DNAH6: variants seen among roughly 807,000 people sequenced by gnomAD.
The protein encoded by DNAH6 is dynein axonemal heavy chain 6.
Under a neutral mutation model 491.4 loss-of-function variants are expected in DNAH6, and 340 were observed. That is an observed-to-expected ratio of 0.69 (90% CI 0.63 to 0.76). DNAH6 has a LOEUF of 0.76. Ranked by LOEUF, DNAH6 falls within the 30% of genes least tolerant of loss-of-function variation. DNAH6 has a pLI of 0.00. For missense variants in DNAH6, 4,443 were observed against 4,972.2 expected (o/e 0.89, Z 3.20); for synonymous variants, 1,603 against 1,686.1 (o/e 0.95, Z 1.21).
At chr2:84,489,196 A>C in the DNAH6 span, among the ~76,000 whole-genome samples, 2 of 151,818 alleles carry the variant, frequency 1.3e-5, no homozygotes, top group African/African-American at 4.8e-5. Flanking sequence ...AGAACATGAG[A>C]GTGTCTTTAG....
At position 84,557,763 on chromosome 2, in the gene DNAH6, G is replaced by C; in HGVS notation, c.1631G>C (p.Cys544Ser). The C allele has an allele frequency of 6.3e-7, 1 of 1,588,650 alleles. No individual in the cohort carries two copies. The highest frequency in any genetic ancestry group is 1.1e-5 in the South Asian group (1 of 90,174). The change falls in exon 11 of 77, where the codon TGT becomes TCT. Residue 544 changes from cysteine (C) to serine (S), a missense_variant. By Grantham distance (112) the Cys-to-Ser change is moderately radical. Coordinates refer to ENST00000389394, the MANE Select transcript of DNAH6 (RefSeq NM_001370.2). ...GGTATTTTGGGTGCAGTTAATCACTGTCAAAACACTGTGTTATCAGTTCCT... is the reference window on the plus strand; with the variant it reads ...GGTATTTTGGGTGCAGTTAATCACTCTCAAAACACTGTGTTATCAGTTCCT... ...LDGILGAVNH[C>S]QNTVLSVPNL...
chr2:84,724,826 T>A (rs1045933278), intron 60 of DNAH6, among the ~76,000 whole-genome samples: 4 of 152,202 alleles, frequency 2.6e-5, no homozygotes, highest in Non-Finnish European at 4.4e-5. Flanking sequence ...CTCCAGGACT[T>A]CTTCTGACCT....
At chr2:84,720,569 C>T (rs35046345) in intron 59 of DNAH6, among the ~76,000 whole-genome samples, 4,657 of 152,064 alleles carry the variant, frequency 0.031, 110 homozygotes, top group Non-Finnish European at 0.044. Flanking sequence ...TGAGCCACCG[C>T]GCCCGGCCGA....
chr2:84,722,551 C>G, intron 59 of DNAH6, 74 bp from the exon 60 acceptor site: 1 of 1,278,142 alleles, frequency 7.8e-7, no homozygotes, highest in South Asian at 1.4e-5. Context: ...CTAGACCTAA[C>G]TGGATACATT....
chr2:84,474,186 T>C, the DNAH6 span, among the ~76,000 whole-genome samples: 1 of 152,204 alleles, frequency 6.6e-6, no homozygotes, highest in Non-Finnish European at 1.5e-5. Context: ...AGTGCACCCA[T>C]GTGTTGAATT....
At chr2:84,740,129 G>A (rs557530951) in intron 62 of DNAH6, among the ~76,000 whole-genome samples, 1 of 152,048 alleles carries the variant, frequency 6.6e-6, no homozygotes, top group South Asian at 2.1e-4. Flanking sequence ...TCATTTCTAG[G>A]TGCTTTCAGA....
At chr2:84,487,721 T>A in the DNAH6 span, among the ~76,000 whole-genome samples, 2 of 152,198 alleles carry the variant, frequency 1.3e-5, 1 homozygote, top group South Asian at 4.1e-4. Flanking sequence ...AAGCACAGCT[T>A]GAATTTCACA....
intron 4 of DNAH6, among the ~76,000 whole-genome samples, chr2:84,537,124 C>A (rs1677771437): frequency 6.6e-6 from 1 of 151,994 alleles, no homozygotes; most frequent in Admixed American, 6.6e-5. Flanking sequence ...GCATAAGAAT[C>A]TGACCTTTGG....
chr2:84,634,642 G>T lies in DNAH6; in HGVS notation c.4653+1G>T. On this transcript the variant is annotated splice_donor_variant, in intron 30 of 76. Coordinates refer to ENST00000389394, the MANE Select transcript of DNAH6 (RefSeq NM_001370.2). LOFTEE classifies it high-confidence loss of function. ...CATTAGGAACGCCAAAGCGGCAAAG[G>T]TAAGGCACTGGGCAATCGACTTTCA... 6.5e-7 allele frequency: 1 copy of T among 1,528,692 alleles called. No homozygotes were observed. Among genetic ancestry groups the T allele is most frequent in the Non-Finnish European group, 8.8e-7 (1 of 1,138,474 alleles). The allele number at this position is 1,528,692 out of a possible 1,614,324, so 94.7% of individuals were successfully genotyped here. A position where few individuals can be genotyped will look rare whatever the true frequency, so the allele number is the denominator to read the frequency against.
In DNAH6 at chr2:84,705,698, G is replaced by A. The variant is rs570654082; in HGVS notation, c.8678G>A (p.Arg2893Gln). ...MWVRAMDLYS[R>Q]VVKVVEPKRQ... ...GTAAGAGCTATGGATTTGTACTCTC[G>A]AGTGGTCAAGGTCGTCGAACCAAAA... The change falls in exon 52 of 77, where the codon CGA becomes CAA. Residue 2893 changes from arginine (R) to glutamine (Q), a missense_variant. Arg to Gln is a conservative substitution (Grantham distance 43). Coordinates refer to ENST00000389394, the MANE Select transcript of DNAH6 (RefSeq NM_001370.2). The A allele has an allele frequency of 4.5e-6, 7 of 1,551,778 alleles. No homozygotes were observed. Among genetic ancestry groups the A allele is most frequent in the African/African-American group, 2.7e-5 (2 of 73,150 alleles).
chr2:84,470,394 AG>A, the DNAH6 span, among the ~76,000 whole-genome samples: 1 of 152,226 alleles, frequency 6.6e-6, no homozygotes, highest in African/African-American at 2.4e-5. Flanking sequence ...CCACAGACAG[AG>A]CAGCCCTGAG....
At chr2:84,662,282 C>A (rs1240058834) in intron 37 of DNAH6, among the ~76,000 whole-genome samples, 2 of 151,938 alleles carry the variant, frequency 1.3e-5, no homozygotes, top group African/African-American at 4.8e-5. Context: ...ACAGTGGCTG[C>A]ACCCCATGGA....
At chr2:84,663,676 G>A (rs1194958268) in intron 37 of DNAH6, among the ~76,000 whole-genome samples, 5 of 152,138 alleles carry the variant, frequency 3.3e-5, no homozygotes, top group African/African-American at 7.2e-5. Flanking sequence ...ACACTCTGCA[G>A]GATATTATCC....
At chr2:84,717,956 T>G (rs1253017313) in intron 58 of DNAH6, among the ~76,000 whole-genome samples, 1 of 152,160 alleles carries the variant, frequency 6.6e-6, no homozygotes, top group Non-Finnish European at 1.5e-5. Context: ...GCAGAAGGTG[T>G]GGGAACTTCA....
chr2:84,613,479 A>C (rs1450408347), intron 22 of DNAH6, among the ~76,000 whole-genome samples: 1 of 152,120 alleles, frequency 6.6e-6, no homozygotes, highest in African/African-American at 2.4e-5. Flanking sequence ...TGCGGATTTG[A>C]TTCTTGGGCA....
rs562188723 is a variant in DNAH6, at chr2:84,775,726, C to T, written c.10704-5767C>T. On this transcript the variant is annotated intron_variant, in intron 64 of 76. Transcript: ENST00000389394. Reference sequence around the variant, plus strand: ...TCAGGATTTCTGTTTTTTCCTGGTTCAATCTTGGGAGTGTCTTGGGTGTGT... The same window carrying T: ...TCAGGATTTCTGTTTTTTCCTGGTTTAATCTTGGGAGTGTCTTGGGTGTGT... 1.4e-4 allele frequency among the ~76,000 whole-genome samples: 22 copies of T among 152,144 alleles called. No individual in the cohort carries two copies. The East Asian group carries it at 2.1e-3, about 15-fold the overall frequency.
At chr2:84,652,326 GT>G (rs1690530385) in intron 33 of DNAH6, among the ~76,000 whole-genome samples, 1 of 151,930 alleles carries the variant, frequency 6.6e-6, no homozygotes, top group African/African-American at 2.4e-5. Context: ...TATTTTAATA[GT>G]CATTTCTTTA....
intron 33 of DNAH6, among the ~76,000 whole-genome samples, chr2:84,648,983 C>A (rs1177017610): frequency 1.3e-5 from 2 of 152,194 alleles, no homozygotes; most frequent in Non-Finnish European, 2.9e-5. Flanking sequence ...TTGCCACAGT[C>A]ACTCCAGCCT....
intron 69 of DNAH6, 43 bp downstream of exon 69, chr2:84,796,468 A>C (rs1361442856): frequency 6.2e-6 from 9 of 1,447,024 alleles, no homozygotes; most frequent in Non-Finnish European, 8.3e-6. Flanking sequence ...TTTCCCAAGA[A>C]GATGTTGACA....
Sources: gnomAD v4.1 joint callset for allele counts (sites outside exome capture counted in the v4.1 genomes callset) on GRCh38, gnomAD v4.1.1 for gene constraint, MANE v1.5 for transcripts, NCBI Gene and HGNC (gene_info 2026-07-23, HGNC 2026-07-21) for gene names.